POMGNT1: variants seen among roughly 807,000 people sequenced by gnomAD.
The protein encoded by POMGNT1 is protein O-linked-mannose beta-1,2-N-acetylglucosaminyltransferase 1.
Under a neutral mutation model 95.6 loss-of-function variants are expected in POMGNT1, and 67 were observed. The observed-to-expected ratio is 0.70, with a 90% confidence interval of 0.58 to 0.86. The LOEUF (loss-of-function observed/expected upper bound fraction) is 0.86, where lower values mean the gene tolerates loss of function less well. POMGNT1 is among the 40% of genes least tolerant of loss of function. The pLI is 0.00. For missense variants in POMGNT1, 719 were observed against 855.2 expected, an observed-to-expected ratio of 0.84 and a Z score of 1.99; for synonymous variants, 298 against 317.9, an observed-to-expected ratio of 0.94 and a Z score of 0.66.
chr1:46,194,809 G>A (rs1658092023), intron 7 of POMGNT1, 35 bp downstream of exon 7: 3 of 1,613,630 alleles, frequency 1.9e-6, no homozygotes, highest in Non-Finnish European at 2.5e-6. Flanking sequence ...CCAGGCTCTT[G>A]ATACTACAGA....
Position 46,194,602 on chromosome 1 carries a change from C to A in POMGNT1, c.702G>T (p.Trp234Cys). 6.2e-7 allele frequency: 1 copy of A among 1,614,232 alleles called. No homozygotes were observed. Among genetic ancestry groups the A allele is most frequent in the Non-Finnish European group, 8.5e-7 (1 of 1,180,050 alleles). Residue 234 changes from tryptophan to cysteine, a missense_variant, in exon 8 of 22, where the codon TGG (tryptophan) becomes TGT (cysteine). Physicochemically the swap from Trp to Cys is radical, Grantham distance 215 (BLOSUM62 -2). This residue lies in a region of POMGNT1 where 466 missense variants were observed against 517.4 expected (regional missense o/e 0.90). Coordinates refer to ENST00000371984, the MANE Select transcript of POMGNT1 (RefSeq NM_017739.4). ...KHSKSPALSSWGDPVLLKTDV... is the reference protein window; with the variant it reads ...KHSKSPALSSCGDPVLLKTDV... ...CTGTCTTCAGCAGGACTGGGTCCCC[C>A]CAGGAAGAGAGGGCAGGTGATTTAG...
At chr1:46,215,928 C>A (rs1340328145) in intron 1 of POMGNT1, among the ~76,000 whole-genome samples, 1 of 151,974 alleles carries the variant, frequency 6.6e-6, no homozygotes, top group Non-Finnish European at 1.5e-5. Flanking sequence ...TGGAACAATG[C>A]CTTAACCCCT....
chr1:46,210,636 A>G (rs1249678239), intron 1 of POMGNT1, among the ~76,000 whole-genome samples: 1 of 152,158 alleles, frequency 6.6e-6, no homozygotes, highest in African/African-American at 2.4e-5. Context: ...GTTTATTATA[A>G]GGATATTACA....
At chr1:46,205,848 G>A (rs962412872) in intron 1 of POMGNT1, among the ~76,000 whole-genome samples, 3 of 152,212 alleles carry the variant, frequency 2.0e-5, no homozygotes, top group Non-Finnish European at 4.4e-5. Flanking sequence ...CAAGGGGTGG[G>A]GCAAGGGATT....
chr1:46,192,792 C>T (rs1043929610), intron 14 of POMGNT1, 108 bp downstream of exon 14: 13 of 1,587,758 alleles, frequency 8.2e-6, no homozygotes, highest in East Asian at 4.5e-5. Flanking sequence ...GCCCAGGCTT[C>T]GCCCCCACTT....
At chr1:46,195,072 T>C (rs1200784255) in intron 6 of POMGNT1, 111 bp from the exon 7 acceptor site, 3 of 924,644 alleles carry the variant, frequency 3.2e-6, no homozygotes, top group Non-Finnish European at 5.4e-6. Flanking sequence ...CATTACATTA[T>C]TGCAATAACC....
chr1:46,190,797 TGA>T lies in POMGNT1; in HGVS notation c.1540-15_1540-14del, dbSNP rs1266473038. On this transcript the variant is annotated splice_polypyrimidine_tract_variant and intron_variant, in intron 17 of 21. Transcript: ENST00000371984. Reference sequence around the variant, plus strand: ...TGAAGTAGGCCTCCTGGAGTGGGTATGAGAGTGAAAATCAGCACCTCACATTG... The same window carrying T: ...TGAAGTAGGCCTCCTGGAGTGGGTATGAGTGAAAATCAGCACCTCACATTG... 1.2e-6 allele frequency: 2 copies of T among 1,607,172 alleles called. No individual in the cohort carries two copies. Among genetic ancestry groups the T allele is most frequent in the Admixed American group, 1.7e-5 (1 of 59,988 alleles).
At chr1:46,202,906 T>TGGGGGGGG (rs781252454), upstream of POMGNT1, among the ~76,000 whole-genome samples, 1 of 7,574 alleles carries the variant, frequency 1.3e-4, no homozygotes, top group African/African-American at 2.8e-4. Context: ...TTCTAGCCCC[T>TGGGGGGGG]GGGGGGGGGG....
intron 2 of POMGNT1, chr1:46,197,365 T>C: frequency 1.4e-6 from 2 of 1,481,370 alleles, no homozygotes; most frequent in Non-Finnish European, 1.8e-6. Flanking sequence ...CCTCCATTGT[T>C]GGTTTCTAGA....
intron 1 of POMGNT1, chr1:46,219,591 G>A (rs1365618229): frequency 7.3e-6 from 9 of 1,235,768 alleles, no homozygotes; most frequent in Admixed American, 4.6e-5. Context: ...AATTCCATCC[G>A]TCTTAAAGTG....
Position 46,189,059 on chromosome 1 carries a change from C to T in POMGNT1, c.*211G>A, listed in dbSNP as rs1657533841. 1 of 1,529,322 alleles carries T rather than the reference C, an allele frequency of 6.5e-7. No individual in the cohort carries two copies. The allele number at this position is 1,529,322 out of a possible 1,614,324, so 94.7% of individuals were successfully genotyped here. ...TTCCCAGGTACTCTCCTGCCCTTCT[C>T]CAACAAGGAAGTAAATAAATAGACT... On this transcript the variant is annotated 3_prime_UTR_variant, in exon 22 of 22. Transcript: ENST00000371984.
intron 17 of POMGNT1, 86 bp from the exon 18 acceptor site, chr1:46,190,870 C>T (rs758218916): frequency 5.2e-5 from 68 of 1,295,596 alleles, no homozygotes; most frequent in Non-Finnish European, 7.5e-5. Flanking sequence ...CTATAAGACA[C>T]ACAAATGAAG....
In POMGNT1 at chr1:46,210,875, A is replaced by G. The variant is rs187061253; in HGVS notation, c.-51+8830T>C. 7.0e-3 allele frequency among the ~76,000 whole-genome samples: 1,056 copies of G among 151,940 alleles called. 3 individuals are homozygous for G. The highest frequency in any genetic ancestry group is 0.018 in the South Asian group (88 of 4,794). On this transcript the variant is annotated intron_variant, in intron 1 of 22. Coordinates refer to the POMGNT1 transcript ENST00000371992. ...CTGCAGCCTGTACTTCTCTGGCTCAATCAATCCTCCCAGTTCAGCCTCCTA... is the reference window on the plus strand; with the variant it reads ...CTGCAGCCTGTACTTCTCTGGCTCAGTCAATCCTCCCAGTTCAGCCTCCTA...
chr1:46,192,089 C>T lies in POMGNT1; in HGVS notation c.1539+9G>A, dbSNP rs775040861. The T allele has an allele frequency of 3.7e-6, 6 of 1,612,922 alleles. No individual in the cohort carries two copies. Among genetic ancestry groups the T allele is most frequent in the Non-Finnish European group, 5.1e-6 (6 of 1,179,056 alleles). ...CCACACTGTGCCCTGCTCCCTGCCT[C>T]CCACTCACGTGAAAGTAGCCATTCA... On this transcript the variant is annotated intron_variant, in intron 17 of 21. Transcript: ENST00000371984.
chr1:46,209,203 T>C lies in POMGNT1; in HGVS notation c.-51+10502A>G, dbSNP rs558721984. ...CCATGCCCAGCTAATTTTGTATTTT[T>C]CGTAGAGATGGGGTTGCTCCATGTT... is the stretch of plus-strand genomic sequence containing the variant. On this transcript the variant is annotated intron_variant, in intron 1 of 22. Coordinates refer to the POMGNT1 transcript ENST00000371992. Among the ~76,000 whole-genome samples the C allele has an allele frequency of 2.0e-5, 3 of 152,258 alleles. No homozygotes were observed. The East Asian group carries it at 5.8e-4, about 29-fold the overall frequency.
rs766092974 is a variant in POMGNT1 at position 46,194,419 on chromosome 1, T to C, written c.752-18A>G. 19 of 1,613,968 alleles carry C rather than the reference T, an allele frequency of 1.2e-5. No homozygotes were observed. The highest frequency in any genetic ancestry group is 1.6e-4 in the Middle Eastern group (1 of 6,084). ...CTCTGCCTCTGAGGGAAGGATGCGG[T>C]TGTCATGGAGGCATGGGGCCAGCAA... On this transcript the variant is annotated intron_variant, in intron 8 of 21. Transcript: ENST00000371984.
intron 1 of POMGNT1, among the ~76,000 whole-genome samples, chr1:46,205,035 A>T (rs1658667334): frequency 6.6e-6 from 1 of 152,180 alleles, no homozygotes; most frequent in Admixed American, 6.5e-5. Context: ...AGGCAGGCAG[A>T]TCGCTTGAGC....
At chr1:46,208,886 C>A (rs1448001833) in intron 1 of POMGNT1, among the ~76,000 whole-genome samples, 2 of 151,912 alleles carry the variant, frequency 1.3e-5, no homozygotes, top group African/African-American at 4.8e-5. Context: ...GGCATGAAGC[C>A]GTTATGACAA....
upstream of POMGNT1, among the ~76,000 whole-genome samples, chr1:46,200,188 A>C (rs2148229346): frequency 6.6e-6 from 1 of 152,262 alleles, no homozygotes; most frequent in Non-Finnish European, 1.5e-5. Context: ...AATAAAAATA[A>C]ATAATTAAAA....
Sources: allele counts gnomAD v4.1 joint callset (sites outside exome capture counted in the v4.1 genomes callset), GRCh38; gene constraint gnomAD v4.1.1; regional missense constraint gnomAD v4.1.1; transcripts MANE v1.5; gene names NCBI Gene and HGNC (gene_info 2026-07-23, HGNC 2026-07-21).